PINK1: variants seen among roughly 807,000 people sequenced by gnomAD.
The protein encoded by PINK1 is serine/threonine-protein kinase PINK1, mitochondrial.
In PINK1, 58 loss-of-function variants were observed where a neutral mutation model predicts 56.0. That is an observed-to-expected ratio of 1.04 (90% CI 0.84 to 1.29). The LOEUF is 1.29. Ranked by LOEUF, PINK1 falls within the 50% of genes most tolerant of loss-of-function variation. PINK1 has a pLI of 0.00. For synonymous variants in PINK1, 354 were observed against 339.3 expected, an observed-to-expected ratio of 1.04 and a Z score of -0.48; for missense variants, 745 against 777.9, an observed-to-expected ratio of 0.96 and a Z score of 0.50.
At chr1:20,643,407 G>C (rs534259589) in intron 3 of PINK1, among the ~76,000 whole-genome samples, 2 of 152,356 alleles carry the variant, frequency 1.3e-5, no homozygotes, top group African/African-American at 4.8e-5. Context: ...ACCACTACTA[G>C]CTGCATCTGG....
Position 20,633,461 on chromosome 1 carries a change from G to A in PINK1, c.-88G>A, listed in dbSNP as rs1222958747. 7.7e-6 allele frequency: 8 copies of A among 1,040,132 alleles called. No homozygotes were observed. The highest frequency in any genetic ancestry group is 9.3e-6 in the Non-Finnish European group (8 of 859,544). The allele number at this position is 1,040,132 out of a possible 1,614,324, so 64.4% of individuals were successfully genotyped here. ...CCACCAGCGCCTGCGCCTGCGCAGA[G>A]GCACCGCCCCAAGTTTGTTGTGACC... On this transcript the variant is annotated 5_prime_UTR_variant, in exon 1 of 8. Coordinates refer to ENST00000321556, the MANE Select transcript of PINK1 (RefSeq NM_032409.3).
intron 5 of PINK1, among the ~76,000 whole-genome samples, chr1:20,647,561 A>G (rs111660325): frequency 0.012 from 1,713 of 138,184 alleles, 31 homozygotes; most frequent in African/African-American, 0.043. Flanking sequence ...ACCCCTGCCT[A>G]TCGGGTTCAA....
intron 2 of PINK1, 151 bp downstream of exon 2, chr1:20,638,280 C>A: frequency 1.2e-6 from 1 of 838,858 alleles, no homozygotes; most frequent in Non-Finnish European, 1.8e-6. Context: ...CCCCCTGTTA[C>A]ACAGAAGTCT....
rs746793819 is a variant in PINK1 at position 20,641,776 on chromosome 1, C to T, written c.776+1784C>T. On this transcript the variant is annotated intron_variant, in intron 3 of 7. Coordinates refer to ENST00000321556, the MANE Select transcript of PINK1 (RefSeq NM_032409.3). This position sits in a 1 kb window ranked among gnomAD's most constrained non-coding sequence, Gnocchi z 4.0. Reference sequence around the variant, plus strand: ...CTCATCAGCACCCTACACTCCACCACGCTGGCTTCATAGCTCCTTCCCCGA... The same window carrying T: ...CTCATCAGCACCCTACACTCCACCATGCTGGCTTCATAGCTCCTTCCCCGA... Among the ~76,000 whole-genome samples the T allele has an allele frequency of 5.3e-5, 8 of 152,144 alleles. No homozygotes were observed. The highest frequency in any genetic ancestry group is 1.9e-4 in the East Asian group (1 of 5,186).
intron 5 of PINK1, among the ~76,000 whole-genome samples, chr1:20,647,520 G>A (rs376973620): frequency 2.1e-5 from 3 of 142,072 alleles, no homozygotes; most frequent in South Asian, 2.2e-4. Flanking sequence ...GCCCAGGCTG[G>A]AGTGCAGTGG....
intron 1 of PINK1, among the ~76,000 whole-genome samples, chr1:20,637,494 G>A (rs2053068197): frequency 6.6e-6 from 1 of 152,222 alleles, no homozygotes; most frequent in Non-Finnish European, 1.5e-5. Flanking sequence ...GGTCTTTGCA[G>A]AGCGAGCTGT....
At position 20,648,951 on chromosome 1, in the gene PINK1, A is replaced by G. The variant is rs1403637249; in HGVS notation, c.1252-44A>G. 4 of 1,586,028 alleles carry G rather than the reference A, an allele frequency of 2.5e-6. No homozygotes were observed. In the South Asian group the frequency reaches 3.3e-5, roughly 13 times the overall value. On this transcript the variant is annotated intron_variant, in intron 6 of 7. Transcript: ENST00000321556. ...GTGATGTGCAGGACATGAAAAGGTT[A>G]GATGGGCGGGCAGCGTGATGTCTCA...
intron 6 of PINK1, 163 bp downstream of exon 6, chr1:20,648,795 T>C (rs2053220494): frequency 5.1e-6 from 7 of 1,365,580 alleles, no homozygotes; most frequent in Middle Eastern, 4.9e-4. Context: ...CGGCGTTCCC[T>C]CATGTTCCAG....
intron 5 of PINK1, among the ~76,000 whole-genome samples, chr1:20,646,109 A>C (rs1210173935): frequency 1.3e-5 from 2 of 148,588 alleles, no homozygotes; most frequent in Non-Finnish European, 3.0e-5. Context: ...CCTTCTCTAC[A>C]AAAAAAAAAT....
chr1:20,642,204 C>T (rs2053122931), intron 3 of PINK1, among the ~76,000 whole-genome samples: 1 of 152,236 alleles, frequency 6.6e-6, no homozygotes, highest in Non-Finnish European at 1.5e-5. Flanking sequence ...TCGCTTCCCT[C>T]CACCATTGTT....
intron 3 of PINK1, chr1:20,643,236 T>A (rs930452384): frequency 1.3e-5 from 2 of 152,242 alleles, no homozygotes; most frequent in Non-Finnish European, 2.9e-5. Context: ...GGCAGGTGAC[T>A]CCTTGGGCCA....
rs756873744 is a variant in PINK1, at chr1:20,648,637, G to A, written c.1251+5G>A. On this transcript the variant is annotated splice_donor_5th_base_variant and intron_variant, in intron 6 of 7. Coordinates refer to ENST00000321556, the MANE Select transcript of PINK1 (RefSeq NM_032409.3). ...GGCTGTCTGATGGCCCCAGAGGTGA[G>A]TCCCGAGTGTGTCATGCGCCATCGG... 12 of 1,613,440 alleles carry A rather than the reference G, an allele frequency of 7.4e-6. No individual in the cohort carries two copies. The East Asian group carries it at 2.4e-4, about 33-fold the overall frequency.
Position 20,649,069 on chromosome 1 carries a change from C to T in PINK1, c.1326C>T (p.Ile442=), listed in dbSNP as rs1331566944. 11 of 1,614,064 alleles carry T rather than the reference C, an allele frequency of 6.8e-6. No homozygotes were observed. The highest frequency in any genetic ancestry group is 3.3e-4 in the Middle Eastern group (2 of 6,040). ...CTGATGCCTGGGCAGTGGGAGCCAT[C>T]GCCTATGAAATCTTCGGGCTTGTCA... ...SKADAWAVGA[I]AYEIFGLVNP... is the part of the protein sequence containing the mutation. Residue 442 remains isoleucine (I), a synonymous_variant, in exon 7 of 8, where the codon ATC becomes ATT. Transcript: ENST00000321556.
chr1:20,633,737 C>T lies in PINK1; in HGVS notation c.189C>T (p.Leu63=), dbSNP rs45530340. ...AGCCTCGCAGGGTCGGGCTCGGGCT[C>T]CCTAACCGTCTCCGCTTCTTCCGCC... ...GAEPRRVGLG[L]PNRLRFFRQS... is the part of the protein sequence containing the mutation. Residue 63 remains leucine, a synonymous_variant, in exon 1 of 8, where the codon CTC becomes CTT. Transcript: ENST00000321556. 0.19 allele frequency: 286,880 copies of T among 1,537,436 alleles called. 28,117 individuals are homozygous for T. Among genetic ancestry groups the T allele is most frequent in the Middle Eastern group, 0.24 (1,215 of 5,080 alleles).
intron 6 of PINK1, 44 bp downstream of exon 6, chr1:20,648,676 A>C (rs760015026): frequency 6.2e-7 from 1 of 1,609,290 alleles, no homozygotes; most frequent in Non-Finnish European, 8.5e-7. Flanking sequence ...CCCTTCCCCC[A>C]CATGTCCACT....
chr1:20,648,278 C>T (rs966782947), intron 5 of PINK1: 3 of 596,504 alleles, frequency 5.0e-6, no homozygotes, highest in Non-Finnish European at 9.1e-6. Flanking sequence ...TTGAGCCACA[C>T]AGTCCTTTGC....
intron 5 of PINK1, among the ~76,000 whole-genome samples, chr1:20,646,371 G>T (rs1047599614): frequency 6.6e-6 from 1 of 152,072 alleles, no homozygotes; most frequent in African/African-American, 2.4e-5. Context: ...TTCGGCCGGG[G>T]GTAGTGGCTC....
In PINK1 at chr1:20,644,687, C is replaced by T. The variant is rs575081128; in HGVS notation, c.959+15C>T. ...GTTATGAAGAAGTAAGTGACAGCAG[C>T]GCGGCAGGGCCTGGAGCTGATACAT... is the stretch of plus-strand genomic sequence containing the variant. On this transcript the variant is annotated intron_variant, in intron 4 of 7. Transcript: ENST00000321556. The T allele has an allele frequency of 1.7e-5, 28 of 1,613,566 alleles. No individual in the cohort carries two copies. In the South Asian group the frequency reaches 1.9e-4, roughly 11 times the overall value.
chr1:20,651,126 T>C lies in PINK1; in HGVS notation c.*435T>C. ...ACGTTCAGTTACGGGAGTGGGAAAT[T>C]ACATGAGGCCTGGGCCTCTGCGTTC... On this transcript the variant is annotated 3_prime_UTR_variant, in exon 8 of 8. Coordinates refer to ENST00000321556, the MANE Select transcript of PINK1 (RefSeq NM_032409.3). The C allele has an allele frequency of 3.9e-6, 1 of 257,176 alleles. No homozygotes were observed. Among genetic ancestry groups the C allele is most frequent in the Non-Finnish European group, 7.7e-6 (1 of 129,888 alleles). The allele number at this position is 257,176 out of a possible 1,614,324, so 15.9% of individuals were successfully genotyped here. A position where few individuals can be genotyped will look rare whatever the true frequency, so the allele number is the denominator to read the frequency against.
Sources: allele counts gnomAD v4.1 joint callset (sites outside exome capture counted in the v4.1 genomes callset), GRCh38; gene constraint gnomAD v4.1.1; non-coding constraint Gnocchi (gnomAD v3.1); transcripts MANE v1.5; gene names NCBI Gene and HGNC (gene_info 2026-07-23, HGNC 2026-07-21).